Variants in RNF213 observed in about 807,000 individuals in gnomAD.
The protein encoded by RNF213 is E3 ubiquitin-protein ligase RNF213.
A neutral mutation model predicts 514.4 loss-of-function variants in RNF213; 341 were observed. That is an observed-to-expected ratio of 0.66 (90% CI 0.61 to 0.73). The LOEUF (loss-of-function observed/expected upper bound fraction) is 0.73, where lower values mean the gene tolerates loss of function less well. Ranked by LOEUF, RNF213 falls within the 30% of genes least tolerant of loss-of-function variation. The probability of loss-of-function intolerance (pLI) is 0.00; values close to 1 mark genes in which losing one functional copy is unlikely to be tolerated. For synonymous variants in RNF213, 2,655 were observed against 2,658.2 expected (o/e 1.00, Z 0.04); for missense variants, 5,767 against 6,615.6 (o/e 0.87, Z 4.45).
intron 18 of RNF213, 48 bp from the exon 19 acceptor site, chr17:80,327,768 C>T: frequency 6.9e-7 from 1 of 1,455,820 alleles, no homozygotes; most frequent in Non-Finnish European, 9.2e-7. Context: ...GGCAAAGAGG[C>T]AGGAGGTGGG....
At chr17:80,359,524 CAAAAAAAAAAAAA>C (rs559552051) in intron 37 of RNF213, among the ~76,000 whole-genome samples, 2 of 32,488 alleles carry the variant, frequency 6.2e-5, no homozygotes, top group East Asian at 1.5e-3. Flanking sequence ...GACTCTATCT[CAAAAAAAAAAAAA>C]AAAAAAAAAA....
chr17:80,352,595 C>T (rs2078565807), intron 32 of RNF213: 12 of 565,460 alleles, frequency 2.1e-5, no homozygotes, highest in Non-Finnish European at 2.5e-5. Context: ...GAAGGCAGAC[C>T]TTGCCAGTGT....
At chr17:80,294,276 T>G (rs1434577735) in intron 8 of RNF213, among the ~76,000 whole-genome samples, 1 of 152,166 alleles carries the variant, frequency 6.6e-6, no homozygotes, top group Non-Finnish European at 1.5e-5. Flanking sequence ...CCAGGGGCTG[T>G]GTCCCGTTCC....
chr17:80,346,079 T>C lies in RNF213; in HGVS notation c.7744T>C (p.Phe2582Leu). ...PPSLIPLVWD[F>L]GQLSDVAEKL... is the part of the protein sequence containing the mutation. ...GAGCCTGATTCCTCTGGTGTGGGAC[T>C]TTGGACAACTGAGTGACGTTGCTGA... The change falls in exon 29 of 68, where the codon TTT (phenylalanine) becomes CTT (leucine). Residue 2582 changes from phenylalanine (F) to leucine (L), a missense_variant. Transcript: ENST00000582970. This position sits in a 1 kb window ranked among gnomAD's most constrained non-coding sequence, Gnocchi z 8.1. The C allele has an allele frequency of 6.2e-7, 1 of 1,614,186 alleles. No individual in the cohort carries two copies. Among genetic ancestry groups the C allele is most frequent in the Non-Finnish European group, 8.5e-7 (1 of 1,180,036 alleles).
intron 66 of RNF213, 38 bp from the exon 67 acceptor site, chr17:80,389,974 C>T: frequency 1.9e-6 from 3 of 1,613,922 alleles, no homozygotes; most frequent in Non-Finnish European, 2.5e-6. Flanking sequence ...CTTCTCCCTG[C>T]AGGCTTTAAT....
At position 80,348,106 on chromosome 17, in the gene RNF213, C is replaced by T. The variant is rs1423084395; in HGVS notation, c.9771C>T (p.Ile3257=). The change falls in exon 29 of 68, where the codon ATC becomes ATT. Residue 3257 remains isoleucine (I), a synonymous_variant. Transcript: ENST00000582970. ...AGGTGTCTGAGGAGGCCAAATCGAT[C>T]CTGCTGAACTGCGCTACGCCCGATG... ...HQKVSEEAKS[I]LLNCATPDAV... 4 of 1,614,150 alleles carry T rather than the reference C, an allele frequency of 2.5e-6. No individual in the cohort carries two copies. The highest frequency in any genetic ancestry group is 3.4e-6 in the Non-Finnish European group (4 of 1,180,048).
intron 8 of RNF213, chr17:80,292,034 C>T (rs2044749088): frequency 4.7e-6 from 3 of 637,286 alleles, no homozygotes; most frequent in South Asian, 3.5e-5. Context: ...TTGGCTTCTC[C>T]TTTGAGCTCA....
chr17:80,367,634 A>G, intron 42 of RNF213, 114 bp from the exon 43 acceptor site: 1 of 773,074 alleles, frequency 1.3e-6, no homozygotes, highest in South Asian at 1.4e-5. Context: ...CGCACCCCAC[A>G]CCCCACACAC....
intron 6 of RNF213, 142 bp from the exon 7 acceptor site, chr17:80,290,428 T>C (rs1598932623): frequency 6.3e-6 from 6 of 955,414 alleles, no homozygotes; most frequent in South Asian, 1.3e-5. Context: ...TGTGCGAGTG[T>C]GCGCGTGTGT....
Position 80,347,220 on chromosome 17 carries a change from T to C in RNF213, c.8885T>C (p.Met2962Thr), listed in dbSNP as rs2078342254. ...CGTGACTACTACAGCCTCATCAAAATGGTCTTTGCTGCAGCAAAGGCTTCA... is the reference window on the plus strand; with the variant it reads ...CGTGACTACTACAGCCTCATCAAAACGGTCTTTGCTGCAGCAAAGGCTTCA... ...GLRDYYSLIKMVFAAAKASNR... is the reference protein window; with the variant it reads ...GLRDYYSLIKTVFAAAKASNR... Residue 2962 changes from methionine to threonine, a missense_variant, in exon 29 of 68, where the codon ATG becomes ACG. By Grantham distance (81) the Met-to-Thr change is moderately conservative (BLOSUM62 -1). Coordinates refer to ENST00000582970, the MANE Select transcript of RNF213 (RefSeq NM_001256071.3). This position sits in a 1 kb window ranked among gnomAD's most constrained non-coding sequence, Gnocchi z 7.2. 1.9e-6 allele frequency: 3 copies of C among 1,613,322 alleles called. No homozygotes were observed. The highest frequency in any genetic ancestry group is 2.5e-6 in the Non-Finnish European group (3 of 1,179,792).
chr17:80,339,594 A>G lies in RNF213; in HGVS notation c.5227A>G (p.Arg1743Gly), dbSNP rs2078089573. Residue 1743 changes from arginine to glycine, a missense_variant, in exon 26 of 68, where the codon AGG (arginine) becomes GGG (glycine). This residue lies in a region of RNF213 where 1,377 missense variants were observed against 1,635.2 expected (regional missense o/e 0.84). Transcript: ENST00000582970. ...CAACTGCACCCTGAGGGATGTCTTA[A>G]GGGCCTCTGTGGGGTGTGGGAGTGA... ...KSNCTLRDVL[R>G]ASVGCGSEAA... 4 of 1,537,210 alleles carry G rather than the reference A, an allele frequency of 2.6e-6. No individual in the cohort carries two copies. Among genetic ancestry groups the G allele is most frequent in the Non-Finnish European group, 3.5e-6 (4 of 1,146,898 alleles).
Position 80,373,021 on chromosome 17 carries a change from C to G in RNF213, c.12798C>G (p.Phe4266Leu). Residue 4266 changes from phenylalanine (F) to leucine (L), a missense_variant, in exon 49 of 68, where the codon TTC becomes TTG. Phe to Leu is a conservative substitution (Grantham distance 22). Transcript: ENST00000582970. ...KQCYLQQVKQFCIRVENDWHR... is the reference protein window; with the variant it reads ...KQCYLQQVKQLCIRVENDWHR... ...GCTACCTGCAGCAAGTCAAGCAGTT[C>G]TGTATCCGGGTGGAGAACGACTGGC... 1 of 1,614,058 alleles carries G rather than the reference C, an allele frequency of 6.2e-7. No individual in the cohort carries two copies. Among genetic ancestry groups the G allele is most frequent in the Non-Finnish European group, 8.5e-7 (1 of 1,180,006 alleles).
chr17:80,359,524 CAAAAAAAAAAA>C (rs559552051), intron 37 of RNF213, among the ~76,000 whole-genome samples: 28 of 32,488 alleles, frequency 8.6e-4, no homozygotes, highest in Admixed American at 1.7e-3. Context: ...GACTCTATCT[CAAAAAAAAAAA>C]AAAAAAAAAA....
At chr17:80,349,112 G>A (rs1471624197) in intron 29 of RNF213, among the ~76,000 whole-genome samples, 2 of 152,286 alleles carry the variant, frequency 1.3e-5, no homozygotes, top group Admixed American at 6.5e-5. Context: ...ATGGGGGGTG[G>A]AGGGGTCCGG....
rs375246029 is a variant in RNF213, at chr17:80,380,839, C to G, written c.13649C>G (p.Ala4550Gly). 1 of 1,614,218 alleles carries G rather than the reference C, an allele frequency of 6.2e-7. No individual in the cohort carries two copies. The highest frequency in any genetic ancestry group is 1.1e-5 in the South Asian group (1 of 91,080). ...TCTCTCGTTCTTTCCAGAGACAAGGCAGACAGAACGCAGACCGGCCACGTG... is the reference window on the plus strand; with the variant it reads ...TCTCTCGTTCTTTCCAGAGACAAGGGAGACAGAACGCAGACCGGCCACGTG... Reference protein sequence around the residue: ...RDGFHLVKDKADRTQTGHVLG... With the variant: ...RDGFHLVKDKGDRTQTGHVLG... The change falls in exon 56 of 68, where the codon GCA becomes GGA. Residue 4550 changes from alanine to glycine, a missense_variant. Coordinates refer to ENST00000582970, the MANE Select transcript of RNF213 (RefSeq NM_001256071.3).
intron 50 of RNF213, 45 bp downstream of exon 50, chr17:80,374,634 T>C (rs745824744): frequency 1.2e-6 from 2 of 1,609,178 alleles, no homozygotes; most frequent in South Asian, 2.2e-5. Context: ...GTGGCATCCC[T>C]TGGAGCCTGC....
chr17:80,300,734 T>C (rs1409148246), intron 11 of RNF213, among the ~76,000 whole-genome samples: 1 of 151,970 alleles, frequency 6.6e-6, no homozygotes, highest in Non-Finnish European at 1.5e-5. Context: ...GTATTTTTAG[T>C]AGAGATGGGG....
chr17:80,290,034 G>T (rs1313535532), intron 6 of RNF213, among the ~76,000 whole-genome samples, 197 bp downstream of exon 6: 1 of 152,224 alleles, frequency 6.6e-6, no homozygotes, highest in Non-Finnish European at 1.5e-5. Context: ...TTTCCTAATA[G>T]CCCCTGGGGT....
chr17:80,342,899 G>A (rs1157400440), intron 26 of RNF213, among the ~76,000 whole-genome samples: 1 of 151,460 alleles, frequency 6.6e-6, no homozygotes, highest in African/African-American at 2.4e-5. Context: ...TCCGCCTCCC[G>A]GGTTCAAGCG....
Sources: allele counts gnomAD v4.1 joint callset (sites outside exome capture counted in the v4.1 genomes callset), GRCh38; gene constraint gnomAD v4.1.1; regional missense constraint gnomAD v4.1.1; non-coding constraint Gnocchi (gnomAD v3.1); transcripts MANE v1.5; gene names NCBI Gene and HGNC (gene_info 2026-07-23, HGNC 2026-07-21).